CFAP77: variants seen among roughly 807,000 people sequenced by gnomAD.
CFAP77 encodes cilia- and flagella-associated protein 77.
Under a neutral mutation model 31.1 loss-of-function variants are expected in CFAP77, and 25 were observed. The ratio of observed to expected loss-of-function variants is 0.80; its 90% CI spans 0.59 to 1.12. The LOEUF (loss-of-function observed/expected upper bound fraction) is 1.12. Among genes scored for constraint, CFAP77 ranks in the 50% most tolerant of loss-of-function variants. The pLI is 0.00. For synonymous variants in CFAP77, 151 were observed against 159.9 expected (o/e 0.94, Z 0.42); for missense variants, 377 against 397.3 (o/e 0.95, Z 0.44).
intron 3 of CFAP77, among the ~76,000 whole-genome samples, chr9:132,536,391 CTT>C (rs35488775): frequency 9.8e-5 from 12 of 122,330 alleles, no homozygotes; most frequent in East Asian, 2.4e-4. Context: ...GCTCATAGTT[CTT>C]TTTTTTTTTT....
At chr9:132,551,104 A>T (rs1852813711) in intron 5 of CFAP77, among the ~76,000 whole-genome samples, 1 of 151,898 alleles carries the variant, frequency 6.6e-6, no homozygotes, top group South Asian at 2.1e-4. Context: ...CTAGGAAATG[A>T]TGCCTTAGGG....
chr9:132,484,631 T>G (rs1450487693), intron 1 of CFAP77, among the ~76,000 whole-genome samples: 1 of 152,210 alleles, frequency 6.6e-6, no homozygotes, highest in Non-Finnish European at 1.5e-5. Context: ...GGCTTATTCA[T>G]TCATCAGGAC....
At chr9:132,452,102 C>T (rs1034403375) in intron 1 of CFAP77, among the ~76,000 whole-genome samples, 12 of 152,172 alleles carry the variant, frequency 7.9e-5, no homozygotes, top group African/African-American at 2.9e-4. Flanking sequence ...CGCACCCAGC[C>T]TGAGATTTTC....
At chr9:132,469,718 A>G (rs1011274559) in intron 1 of CFAP77, among the ~76,000 whole-genome samples, 4 of 152,098 alleles carry the variant, frequency 2.6e-5, no homozygotes, top group African/African-American at 9.7e-5. Context: ...GGTCTCACTT[A>G]CCCTGACCCC....
intron 5 of CFAP77, among the ~76,000 whole-genome samples, chr9:132,558,811 G>A (rs995689003): frequency 4.8e-5 from 7 of 144,466 alleles, no homozygotes; most frequent in African/African-American, 1.9e-4. Context: ...TCGGGAGTTC[G>A]AGACCAGCCT....
At chr9:132,482,661 A>C (rs2118909142) in intron 1 of CFAP77, among the ~76,000 whole-genome samples, 1 of 152,138 alleles carries the variant, frequency 6.6e-6, no homozygotes, top group East Asian at 1.9e-4. Flanking sequence ...AAGAAGGATC[A>C]GAGTCCGGTT....
At chr9:132,446,004 C>T (rs1015250238) in intron 1 of CFAP77, among the ~76,000 whole-genome samples, 2 of 152,060 alleles carry the variant, frequency 1.3e-5, no homozygotes, top group Admixed American at 6.5e-5. Context: ...CCGCTCTCCA[C>T]CTGCCTCTCA....
At chr9:132,568,556 C>CA (rs34754814) in intron 5 of CFAP77, among the ~76,000 whole-genome samples, 4,663 of 89,902 alleles carry the variant, frequency 0.052, 305 homozygotes, top group African/African-American at 0.15. Flanking sequence ...AACTCCGCCT[C>CA]AAAAAAAAAA....
At chr9:132,475,305 C>G (rs1851331675) in intron 1 of CFAP77, among the ~76,000 whole-genome samples, 1 of 152,208 alleles carries the variant, frequency 6.6e-6, no homozygotes, top group East Asian at 1.9e-4. Context: ...AGAGCCCAGC[C>G]TGGGTATCAT....
chr9:132,444,087 G>C (rs934958986), intron 1 of CFAP77, among the ~76,000 whole-genome samples: 1 of 152,230 alleles, frequency 6.6e-6, no homozygotes, highest in Admixed American at 6.5e-5. Flanking sequence ...CAGGGTGAAG[G>C]CTCCACCTCG....
intron 5 of CFAP77, among the ~76,000 whole-genome samples, chr9:132,569,426 G>A (rs1329880556): frequency 1.3e-5 from 2 of 151,822 alleles, no homozygotes; most frequent in African/African-American, 4.8e-5. Context: ...TGGTAGGGGG[G>A]AAAAGGAAAA....
chr9:132,559,568 A>G (rs933794971), intron 5 of CFAP77, among the ~76,000 whole-genome samples: 6 of 152,144 alleles, frequency 3.9e-5, no homozygotes, highest in Non-Finnish European at 8.8e-5. Flanking sequence ...TGGAACACCC[A>G]TACGTGCTGG....
chr9:132,573,035 G>A lies in CFAP77; in HGVS notation c.*525G>A, dbSNP rs1248612136. The A allele has an allele frequency of 6.5e-6, 1 of 152,932 alleles. No homozygotes were observed. The highest frequency in any genetic ancestry group is 6.5e-5 in the Admixed American group (1 of 15,330). The allele number at this position is 152,932 out of a possible 1,614,324, so 9.5% of individuals were successfully genotyped here. ...TCTCTGGGACCTCTGACAGCAGGAA[G>A]AGCCAATGGTTCATTACTCGAGCCT... On this transcript the variant is annotated 3_prime_UTR_variant, in exon 6 of 6. Transcript: ENST00000393216.
At position 132,455,626 on chromosome 9, in the gene CFAP77, G is replaced by C. The variant is rs914583023; in HGVS notation, c.196-43069G>C. Among the ~76,000 whole-genome samples, 2 of 152,140 alleles carry C rather than the reference G, an allele frequency of 1.3e-5. No homozygotes were observed. The highest frequency in any genetic ancestry group is 2.9e-5 in the Non-Finnish European group (2 of 68,036). ...CATGCCTGTGGTCCCAGCTACTCAG[G>C]AGGCTGAGGTGGGAGGATCGCTTGA... On this transcript the variant is annotated intron_variant, in intron 1 of 5. Transcript: ENST00000393216. This position sits in a 1 kb window ranked among gnomAD's most constrained non-coding sequence, Gnocchi z 4.1.
chr9:132,447,042 A>G (rs1001924203), intron 1 of CFAP77, among the ~76,000 whole-genome samples: 2 of 152,134 alleles, frequency 1.3e-5, no homozygotes, highest in African/African-American at 4.8e-5. Context: ...GGTGTGAGCC[A>G]CTGGGCCTGC....
Position 132,497,824 on chromosome 9 carries a change from G to A in CFAP77, c.196-871G>A, listed in dbSNP as rs525699. ...CCCAGCAAGTGCCCACTGATGCAGCGGGTGCGATGGGGTTCGAAGCACTGT... is the reference window on the plus strand; with the variant it reads ...CCCAGCAAGTGCCCACTGATGCAGCAGGTGCGATGGGGTTCGAAGCACTGT... On this transcript the variant is annotated intron_variant, in intron 1 of 5. Transcript: ENST00000393216. The surrounding 1 kb of genome is among the most constrained non-coding windows in gnomAD (Gnocchi z 4.9). 0.016 allele frequency among the ~76,000 whole-genome samples: 2,477 copies of A among 152,238 alleles called. 79 individuals are homozygous for A. The highest frequency in any genetic ancestry group is 0.056 in the African/African-American group (2,332 of 41,530).
In CFAP77 at chr9:132,455,055, C is replaced by G. The variant is rs930078653; in HGVS notation, c.196-43640C>G. 2.6e-5 allele frequency among the ~76,000 whole-genome samples: 4 copies of G among 152,216 alleles called. No homozygotes were observed. The highest frequency in any genetic ancestry group is 9.6e-5 in the African/African-American group (4 of 41,452). On this transcript the variant is annotated intron_variant, in intron 1 of 5. Transcript: ENST00000393216. This position sits in a 1 kb window ranked among gnomAD's most constrained non-coding sequence, Gnocchi z 4.1. ...GCAATAAATTAGCCTGCACAAAGAACTCCAGTCCATGGGAAGGCCCAGTGA... is the reference window on the plus strand; with the variant it reads ...GCAATAAATTAGCCTGCACAAAGAAGTCCAGTCCATGGGAAGGCCCAGTGA...
intron 3 of CFAP77, among the ~76,000 whole-genome samples, chr9:132,514,053 G>A (rs918458514): frequency 3.2e-5 from 2 of 62,780 alleles, no homozygotes; most frequent in Admixed American, 1.5e-4. Context: ...AGATCCCCCC[G>A]TCTTGTGTCC....
At position 132,482,682 on chromosome 9, in the gene CFAP77, C is replaced by T. The variant is rs146001222; in HGVS notation, c.196-16013C>T. Among the ~76,000 whole-genome samples, 1,208 of 151,788 alleles carry T rather than the reference C, an allele frequency of 8.0e-3. 11 individuals carry two copies. Among genetic ancestry groups the T allele is most frequent in the Middle Eastern group, 0.044 (13 of 294 alleles). On this transcript the variant is annotated intron_variant, in intron 1 of 5. Transcript: ENST00000393216. ...GATCAGAGTCCGGTTCCAATCCTGC[C>T]TGTTGACATCGAGTGGGCGCTGGCA...
Sources: allele counts gnomAD v4.1 joint callset (sites outside exome capture counted in the v4.1 genomes callset), GRCh38; gene constraint gnomAD v4.1.1; non-coding constraint Gnocchi (gnomAD v3.1); transcripts MANE v1.5; gene names NCBI Gene and HGNC (gene_info 2026-07-23, HGNC 2026-07-21).